Variants in CYRIB observed in about 807,000 individuals in gnomAD.
CYRIB encodes CYFIP related Rac1 interactor B, also known as CYFIP-related Rac1 interactor B.
CYRIB carries 8 observed loss-of-function variants against 44.2 expected under a neutral mutation model. The observed-to-expected ratio is 0.18, with a 90% CI of 0.11 to 0.33. The LOEUF (loss-of-function observed/expected upper bound fraction) is 0.33, where lower values mean the gene tolerates loss of function less well. Among genes scored for constraint, CYRIB ranks in the 10% least tolerant of loss-of-function variants. The probability of loss-of-function intolerance (pLI) is 1.00; values close to 1 mark genes in which losing one functional copy is unlikely to be tolerated. For missense variants in CYRIB, 185 were observed against 382.8 expected, an observed-to-expected ratio of 0.48 and a Z score of 4.31; for synonymous variants, 131 against 127.2, an observed-to-expected ratio of 1.03 and a Z score of -0.20.
intron 1 of CYRIB, among the ~76,000 whole-genome samples, chr8:129,982,286 C>T (rs957768436): frequency 1.2e-4 from 18 of 152,184 alleles, no homozygotes; most frequent in Non-Finnish European, 2.2e-4. Flanking sequence ...CCTTCTGCCT[C>T]GATGAAGATG....
chr8:129,960,841 TCAGGAGGCTGAAG>T (rs1408360915), intron 2 of CYRIB, among the ~76,000 whole-genome samples: 4 of 145,246 alleles, frequency 2.8e-5, no homozygotes, highest in South Asian at 2.1e-4. Context: ...ACCCCAGCTC[TCAGGAGGCTGAAG>T]CAGGAGAATT....
chr8:129,865,012 G>C, intron 4 of CYRIB: 1 of 180,296 alleles, frequency 5.5e-6, no homozygotes. Context: ...TCTGGTTCTT[G>C]CCATGCAGCT....
chr8:129,915,442 C>T (rs2136619561), intron 1 of CYRIB, among the ~76,000 whole-genome samples: 1 of 152,146 alleles, frequency 6.6e-6, no homozygotes, highest in South Asian at 2.1e-4. Flanking sequence ...TAAGTCTGGG[C>T]AACACAGTGA....
chr8:129,919,278 G>C (rs956442011), intron 1 of CYRIB, among the ~76,000 whole-genome samples: 1 of 152,108 alleles, frequency 6.6e-6, no homozygotes, highest in Non-Finnish European at 1.5e-5. Context: ...ATATATTACC[G>C]CATGTCTTGG....
chr8:129,848,653 G>A (rs2041629948), intron 10 of CYRIB, among the ~76,000 whole-genome samples: 1 of 152,038 alleles, frequency 6.6e-6, no homozygotes, highest in Non-Finnish European at 1.5e-5. Flanking sequence ...CTGCAGGCTG[G>A]AACTCCTGGG....
At chr8:129,953,442 C>T (rs1279758980) in intron 2 of CYRIB, among the ~76,000 whole-genome samples, 2 of 152,204 alleles carry the variant, frequency 1.3e-5, no homozygotes, top group African/African-American at 4.8e-5. Context: ...TTCCTCATCA[C>T]AGCCATGCAT....
intron 1 of CYRIB, among the ~76,000 whole-genome samples, chr8:130,010,333 A>G (rs1232244299): frequency 1.3e-5 from 2 of 152,174 alleles, no homozygotes; most frequent in African/African-American, 4.8e-5. Flanking sequence ...AGAGGGTGGC[A>G]CTGTGGAGCG....
chr8:130,011,247 G>A lies in CYRIB; in HGVS notation c.-296+5123C>T, dbSNP rs188839691. On this transcript the variant is annotated intron_variant, in intron 1 of 14. Coordinates refer to the CYRIB transcript ENST00000401979. ...TTCAAGAACGCTGAGGCGGCCAGGC[G>A]TAATGGCTCATGCCTGTAATCCCAG... Among the ~76,000 whole-genome samples the A allele has an allele frequency of 2.6e-5, 4 of 152,292 alleles. No homozygotes were observed. In the South Asian group the frequency reaches 6.2e-4, roughly 24 times the overall value.
In CYRIB at chr8:129,868,512, T is replaced by C. The variant is rs1382384729; in HGVS notation, c.195+2863A>G. 3.9e-5 allele frequency: 6 copies of C among 152,196 alleles called. No individual in the cohort carries two copies. The East Asian group carries it at 1.2e-3, about 29-fold the overall frequency. The allele number at this position is 152,196 out of a possible 1,614,324, so 9.4% of individuals were successfully genotyped here. ...TTTCTATGTAAACTTTCTCTTTTCT[T>C]TTAAACTTGGAGACACTTACTTACT... is the stretch of plus-strand genomic sequence containing the variant. On this transcript the variant is annotated intron_variant, in intron 4 of 11. Coordinates refer to ENST00000519824, the Ensembl canonical transcript of CYRIB.
intron 1 of CYRIB, among the ~76,000 whole-genome samples, chr8:129,988,528 C>T (rs560670278): frequency 6.6e-6 from 1 of 152,318 alleles, no homozygotes; most frequent in African/African-American, 2.4e-5. Flanking sequence ...TTAGCAAGCC[C>T]ACCTTATACC....
rs142732022 is a variant in CYRIB, at chr8:129,996,282, C to G, written c.-296+20088G>C. Among the ~76,000 whole-genome samples the G allele has an allele frequency of 3.0e-3, 450 of 152,270 alleles. 4 individuals are homozygous for G. Among genetic ancestry groups the G allele is most frequent in the African/African-American group, 0.01 (435 of 41,544 alleles). On this transcript the variant is annotated intron_variant, in intron 1 of 14. Coordinates refer to the CYRIB transcript ENST00000401979. ...GTCCCCCAACCCCCACCTCACACCCCACAGGCCACGGCAGCTCAGACTTCC... is the reference window on the plus strand; with the variant it reads ...GTCCCCCAACCCCCACCTCACACCCGACAGGCCACGGCAGCTCAGACTTCC...
chr8:129,915,395 A>G (rs966265747), intron 1 of CYRIB, among the ~76,000 whole-genome samples: 1 of 152,234 alleles, frequency 6.6e-6, no homozygotes, highest in African/African-American at 2.4e-5. Flanking sequence ...AAAAGAATAT[A>G]TATTGTATGA....
intron 1 of CYRIB, among the ~76,000 whole-genome samples, chr8:129,931,472 CTTTTT>C (rs1380451187): frequency 6.6e-6 from 1 of 152,136 alleles, no homozygotes; most frequent in Non-Finnish European, 1.5e-5. Context: ...TCAGTCATTA[CTTTTT>C]GAGTAAATGT....
At chr8:129,961,179 C>G (rs2095242616) in intron 2 of CYRIB, among the ~76,000 whole-genome samples, 1 of 152,098 alleles carries the variant, frequency 6.6e-6, no homozygotes, top group Non-Finnish European at 1.5e-5. Flanking sequence ...TACCTATTTC[C>G]CTGGGCAGGA....
At chr8:129,973,811 A>T (rs1442533884) in intron 1 of CYRIB, among the ~76,000 whole-genome samples, 2 of 152,114 alleles carry the variant, frequency 1.3e-5, no homozygotes, top group South Asian at 2.1e-4. Context: ...AATAAAAATT[A>T]AAAAACACCC....
intron 4 of CYRIB, among the ~76,000 whole-genome samples, chr8:129,866,082 T>C (rs2053394009): frequency 6.6e-6 from 1 of 152,168 alleles, no homozygotes; most frequent in Non-Finnish European, 1.5e-5. Context: ...AAGTCATAAT[T>C]GAAGCCAGTA....
chr8:129,971,208 C>T (rs2095676745), intron 1 of CYRIB, among the ~76,000 whole-genome samples: 1 of 152,108 alleles, frequency 6.6e-6, no homozygotes, highest in Non-Finnish European at 1.5e-5. Context: ...GGCACGATCT[C>T]GGCTCACTGC....
intron 2 of CYRIB, among the ~76,000 whole-genome samples, chr8:129,945,575 T>C (rs1341276869): frequency 6.6e-6 from 1 of 152,102 alleles, no homozygotes; most frequent in Admixed American, 6.6e-5. Flanking sequence ...TTTTTATTTA[T>C]TTATCTATTT....
At chr8:129,927,687 A>C (rs1028201337) in intron 1 of CYRIB, among the ~76,000 whole-genome samples, 6 of 151,992 alleles carry the variant, frequency 3.9e-5, no homozygotes, top group Non-Finnish European at 8.8e-5. Context: ...TTCTTTTACT[A>C]CTCTATATTG....
Sources: gnomAD v4.1 joint callset for allele counts (sites outside exome capture counted in the v4.1 genomes callset) on GRCh38, gnomAD v4.1.1 for gene constraint, MANE v1.5 for transcripts, NCBI Gene and HGNC (gene_info 2026-07-23, HGNC 2026-07-21) for gene names.